Variants in CCDC63 observed in about 807,000 individuals in gnomAD.
CCDC63 encodes coiled-coil domain containing 63.
Under a neutral mutation model 63.6 loss-of-function variants are expected in CCDC63, and 54 were observed. That is an observed-to-expected ratio of 0.85 (90% CI 0.68 to 1.07). The LOEUF is 1.07. CCDC63 is among the 50% of genes least tolerant of loss of function. CCDC63 has a pLI of 0.00. For missense variants in CCDC63, 637 were observed against 689.6 expected (o/e 0.92, Z 0.86); for synonymous variants, 253 against 266.1 (o/e 0.95, Z 0.48).
intron 9 of CCDC63, among the ~76,000 whole-genome samples, chr12:110,895,800 ATTG>A (rs943460908): frequency 3.3e-5 from 5 of 152,204 alleles, no homozygotes; most frequent in East Asian, 1.9e-4. Flanking sequence ...AGCTATTATT[ATTG>A]TTGTTGTTAT....
chr12:110,894,083 C>G (rs2071389257), intron 9 of CCDC63, among the ~76,000 whole-genome samples: 1 of 152,006 alleles, frequency 6.6e-6, no homozygotes, highest in Non-Finnish European at 1.5e-5. Context: ...TGGGCTCCGT[C>G]TTTCTGTTTT....
At position 110,884,043 on chromosome 12, in the gene CCDC63, G is replaced by A. The variant is rs1290150840; in HGVS notation, c.867G>A (p.Lys289=). The stretch of plus-strand genomic sequence containing the variant: ...TTCCTTTCCTAGCTCTCAAGGCAAA[G>A]AAGCATGTCAAGAAGAACAGGGGAG... The part of the protein sequence containing the change: ...QAKREEALKA[K]KHVKKNRGES... The change falls in exon 8 of 12, where the codon AAG becomes AAA. Residue 289 remains lysine (K), a synonymous_variant. Coordinates refer to ENST00000308208, the MANE Select transcript of CCDC63 (RefSeq NM_152591.3). The A allele has an allele frequency of 1.9e-6, 3 of 1,613,760 alleles. No individual in the cohort carries two copies. Among genetic ancestry groups the A allele is most frequent in the African/African-American group, 2.7e-5 (2 of 74,924 alleles).
intron 3 of CCDC63, among the ~76,000 whole-genome samples, chr12:110,854,943 C>T (rs1200442195): frequency 1.3e-5 from 2 of 152,104 alleles, no homozygotes; most frequent in Non-Finnish European, 2.9e-5. Context: ...GGATCACAGG[C>T]GTGTGCCAGC....
chr12:110,890,747 A>C (rs1035554973), intron 8 of CCDC63, among the ~76,000 whole-genome samples: 1 of 149,286 alleles, frequency 6.7e-6, no homozygotes, highest in Non-Finnish European at 1.5e-5. Context: ...ATACCTCCCA[A>C]CATCTTCTAT....
At chr12:110,848,616 G>A (rs16941052) in intron 1 of CCDC63, among the ~76,000 whole-genome samples, 2,316 of 152,260 alleles carry the variant, frequency 0.015, 56 homozygotes, top group African/African-American at 0.054. Flanking sequence ...ACTGGTACTT[G>A]AAAATCCCAC....
chr12:110,848,238 T>C lies in CCDC63; in HGVS notation c.-97+1133T>C, dbSNP rs149165692. 2.8e-4 allele frequency among the ~76,000 whole-genome samples: 43 copies of C among 152,332 alleles called. 1 individual carries two copies. The East Asian group carries it at 8.3e-3, about 29-fold the overall frequency. On this transcript the variant is annotated intron_variant, in intron 1 of 11. Coordinates refer to ENST00000308208, the MANE Select transcript of CCDC63 (RefSeq NM_152591.3). The stretch of plus-strand genomic sequence containing the variant: ...TGAGTGCATGACCCACATTTATGTT[T>C]TGAAACACTGTGGAACAGAACTGGA...
intron 6 of CCDC63, 45 bp downstream of exon 6, chr12:110,880,132 T>C: frequency 6.4e-7 from 1 of 1,557,794 alleles, no homozygotes; most frequent in Non-Finnish European, 8.8e-7. Context: ...TCTTAGCCCC[T>C]TGCTGAGCAT....
chr12:110,878,167 T>C (rs2071155663), intron 5 of CCDC63, among the ~76,000 whole-genome samples: 1 of 152,236 alleles, frequency 6.6e-6, no homozygotes. Context: ...TTTTATTGTG[T>C]ATATATATGC....
At chr12:110,891,789 A>G (rs1204078533) in intron 8 of CCDC63, among the ~76,000 whole-genome samples, 2 of 152,182 alleles carry the variant, frequency 1.3e-5, no homozygotes, top group African/African-American at 2.4e-5. Context: ...TGAATGTGCC[A>G]TCATTAACTG....
chr12:110,896,733 A>G (rs746411440), intron 9 of CCDC63, among the ~76,000 whole-genome samples: 5 of 152,226 alleles, frequency 3.3e-5, no homozygotes, highest in Non-Finnish European at 7.3e-5. Flanking sequence ...CCCCAGGCCA[A>G]TTAAGACTCT....
At chr12:110,850,046 T>G (rs1190336195) in intron 1 of CCDC63, among the ~76,000 whole-genome samples, 2 of 152,198 alleles carry the variant, frequency 1.3e-5, no homozygotes, top group Non-Finnish European at 2.9e-5. Flanking sequence ...CTATAACAAA[T>G]ACATCCCCAC....
intron 7 of CCDC63, 35 bp downstream of exon 7, chr12:110,881,331 C>T (rs781660639): frequency 1.3e-6 from 2 of 1,588,234 alleles, no homozygotes; most frequent in South Asian, 1.1e-5. Context: ...TGCTCTCTCA[C>T]TCTCTTTCTT....
intron 8 of CCDC63, among the ~76,000 whole-genome samples, chr12:110,890,773 CT>C (rs769120162): frequency 1.1e-3 from 105 of 98,398 alleles, no homozygotes; most frequent in African/African-American, 2.2e-3. Context: ...TCCTCCTTTT[CT>C]TTTTTTTTTT....
In CCDC63 at chr12:110,857,708, CCT is replaced by C. The variant is rs368976811; in HGVS notation, c.180-877_180-876del. 1.0e-3 allele frequency among the ~76,000 whole-genome samples: 154 copies of C among 152,278 alleles called. 1 individual carries two copies. The highest frequency in any genetic ancestry group is 2.7e-3 in the African/African-American group (113 of 41,554). The stretch of plus-strand genomic sequence containing the variant: ...CTCCCTTTGCTCTTTTCCAAATCCC[CCT>C]GTTTTCCCACATCCCGGTAGACATT... On this transcript the variant is annotated intron_variant, in intron 3 of 11. Coordinates refer to ENST00000308208, the MANE Select transcript of CCDC63 (RefSeq NM_152591.3).
chr12:110,859,327 G>C (rs74988493), intron 4 of CCDC63, among the ~76,000 whole-genome samples: 1 of 142,442 alleles, frequency 7.0e-6, no homozygotes, highest in Non-Finnish European at 1.5e-5. Flanking sequence ...TTTTTTTTTT[G>C]AAAGAGTCTT....
intron 10 of CCDC63, 145 bp from the exon 11 acceptor site, chr12:110,904,443 G>A (rs534549681): frequency 3.0e-6 from 2 of 665,482 alleles, no homozygotes; most frequent in Non-Finnish European, 5.4e-6. Context: ...ACGCCCAGGA[G>A]AAAGCCTTTT....
At chr12:110,895,385 G>C (rs548482182) in intron 9 of CCDC63, among the ~76,000 whole-genome samples, 5 of 152,350 alleles carry the variant, frequency 3.3e-5, no homozygotes, top group Non-Finnish European at 7.4e-5. Context: ...AAAGTGCTGG[G>C]ATTATAGGCG....
At chr12:110,874,189 A>T (rs1378111080) in intron 5 of CCDC63, among the ~76,000 whole-genome samples, 1 of 151,852 alleles carries the variant, frequency 6.6e-6, no homozygotes, top group East Asian at 1.9e-4. Flanking sequence ...CCTATCTGGG[A>T]TGCCTACTCT....
At chr12:110,904,902 T>A in intron 11 of CCDC63, 111 bp downstream of exon 11, 1 of 828,634 alleles carries the variant, frequency 1.2e-6, no homozygotes, top group Non-Finnish European at 1.8e-6. Context: ...AACCTCGGTT[T>A]CCTCTCTTTA....
Sources: gnomAD v4.1 joint callset for allele counts (sites outside exome capture counted in the v4.1 genomes callset) on GRCh38, gnomAD v4.1.1 for gene constraint, MANE v1.5 for transcripts, NCBI Gene and HGNC (gene_info 2026-07-23, HGNC 2026-07-21) for gene names.